The following GMNN variants were observed in gnomAD, a reference collection of about 807,000 sequenced individuals.
The protein encoded by GMNN is geminin.
Under a neutral mutation model 20.9 loss-of-function variants are expected in GMNN, and 14 were observed. The ratio of observed to expected loss-of-function variants is 0.67; its 90% confidence interval spans 0.44 to 1.05. GMNN has a LOEUF of 1.05. Ranked by LOEUF, GMNN falls within the 50% of genes least tolerant of loss-of-function variation. GMNN has a pLI of 0.00. For synonymous variants in GMNN, 81 were observed against 85.8 expected, an observed-to-expected ratio of 0.94 and a Z score of 0.31; for missense variants, 227 against 243.8, an observed-to-expected ratio of 0.93 and a Z score of 0.46.
rs1035809642 is a variant in GMNN, at chr6:24,781,549, A to G, written c.202A>G (p.Ile68Val). ...LTSTTSSPGV[I>V]VPESSENKNL... ...ATCTACAACTTCCAGCCCTGGGGTT[A>G]TTGTCCCAGAATCTAGTGAAAATAA... The change falls in exon 4 of 7, where the codon ATT becomes GTT. Residue 68 changes from isoleucine to valine, a missense_variant. Physicochemically the swap from Ile to Val is conservative, Grantham distance 29. Transcript: ENST00000230056. 1 of 1,575,700 alleles carries G rather than the reference A, an allele frequency of 6.3e-7. No homozygotes were observed. Among genetic ancestry groups the G allele is most frequent in the Non-Finnish European group, 8.7e-7 (1 of 1,152,270 alleles).
chr6:24,782,517 C>A (rs375195982), intron 4 of GMNN, among the ~76,000 whole-genome samples: 3 of 152,024 alleles, frequency 2.0e-5, no homozygotes, highest in East Asian at 3.8e-4. Context: ...TTTTGAATTG[C>A]CTTGAAGACA....
chr6:24,785,353 A>G (rs1487883884), intron 6 of GMNN, among the ~76,000 whole-genome samples: 1 of 152,092 alleles, frequency 6.6e-6, no homozygotes, highest in Non-Finnish European at 1.5e-5. Context: ...TAGAACACCT[A>G]CTTGTCCTTG....
Position 24,785,645 on chromosome 6 carries a change from A to C in GMNN, c.476A>C (p.Asn159Thr). 1 of 1,483,340 alleles carries C rather than the reference A, an allele frequency of 6.7e-7. No individual in the cohort carries two copies. The highest frequency in any genetic ancestry group is 9.3e-7 in the Non-Finnish European group (1 of 1,077,518). The allele number at this position is 1,483,340 out of a possible 1,614,324, so 91.9% of individuals were successfully genotyped here. The change falls in exon 7 of 7, where the codon AAT becomes ACT. Residue 159 changes from asparagine (N) to threonine (T), a missense_variant. Asn to Thr is a moderately conservative substitution (Grantham distance 65). Coordinates refer to ENST00000230056, the MANE Select transcript of GMNN (RefSeq NM_015895.5). ...QYMAELIERL[N>T]GEPLDNFESL... ...TGGTTTATTCTTTAAAAGAGACTGAATGGTGAACCTCTGGATAATTTTGAA... is the reference window on the plus strand; with the variant it reads ...TGGTTTATTCTTTAAAAGAGACTGACTGGTGAACCTCTGGATAATTTTGAA...
rs545524206 is a variant in GMNN, at chr6:24,777,272, A to T, written c.26A>T (p.Gln9Leu). MNPSMKQK[Q>L]EEIKENIKNS... ...ATGAATCCCAGTATGAAGCAGAAAC[A>T]AGAAGAAATCAAAGAGAATATAAAG... The change falls in exon 2 of 7, where the codon CAA becomes CTA. Residue 9 changes from glutamine (Q) to leucine (L), a missense_variant. By Grantham distance (113) the Gln-to-Leu change is moderately radical. Transcript: ENST00000230056. The T allele has an allele frequency of 2.8e-5, 40 of 1,406,040 alleles. No individual in the cohort carries two copies. Among genetic ancestry groups the T allele is most frequent in the Non-Finnish European group, 3.7e-5 (38 of 1,018,350 alleles). 87.1% of individuals were successfully genotyped at this position (1,406,040 alleles called of 1,614,324 possible).
intron 1 of GMNN, among the ~76,000 whole-genome samples, chr6:24,776,466 CAT>C (rs905470626): frequency 7.9e-5 from 12 of 152,310 alleles, no homozygotes; most frequent in African/African-American, 2.9e-4. Context: ...TTTGTTTGCA[CAT>C]GTGTGTGCAC....
At chr6:24,776,675 G>T (rs1288580264) in intron 1 of GMNN, among the ~76,000 whole-genome samples, 1 of 152,168 alleles carries the variant, frequency 6.6e-6, no homozygotes. Context: ...CTAGTCAACC[G>T]CATTACATAG....
At chr6:24,782,836 T>G (rs1445458042) in intron 4 of GMNN, among the ~76,000 whole-genome samples, 2 of 152,084 alleles carry the variant, frequency 1.3e-5, no homozygotes, top group African/African-American at 4.8e-5. Flanking sequence ...TTATTACATT[T>G]GTTGTTTGAA....
intron 6 of GMNN, among the ~76,000 whole-genome samples, 175 bp downstream of exon 6, chr6:24,784,729 A>G (rs1346074471): frequency 6.6e-6 from 1 of 152,122 alleles, no homozygotes; most frequent in Non-Finnish European, 1.5e-5. Context: ...TTATCCGGTC[A>G]GGGCTTCATC....
At chr6:24,777,319 ATT>A in intron 2 of GMNN, 22 bp downstream of exon 2, 2 of 947,980 alleles carry the variant, frequency 2.1e-6, no homozygotes, top group Non-Finnish European at 3.2e-6. Flanking sequence ...AATAACTTTA[ATT>A]TTTTTTTGTA....
At position 24,784,872 on chromosome 6, in the gene GMNN, A is replaced by G. The variant is rs150490545; in HGVS notation, c.468+318A>G. Among the ~76,000 whole-genome samples the G allele has an allele frequency of 1.7e-3, 259 of 152,320 alleles. 1 individual carries two copies. Among genetic ancestry groups the G allele is most frequent in the African/African-American group, 5.9e-3 (247 of 41,594 alleles). ...AAAGTTCAGTAACTTAATTATTGTT[A>G]TGAAGCAAAAGACCATATTTTTTGG... is the stretch of plus-strand genomic sequence containing the variant. On this transcript the variant is annotated intron_variant, in intron 6 of 6. Coordinates refer to ENST00000230056, the MANE Select transcript of GMNN (RefSeq NM_015895.5).
At chr6:24,776,379 G>A (rs761176854) in intron 1 of GMNN, among the ~76,000 whole-genome samples, 7 of 152,174 alleles carry the variant, frequency 4.6e-5, no homozygotes, top group Non-Finnish European at 1.0e-4. Flanking sequence ...GATCATGCAG[G>A]TGATCCGCCT....
intron 2 of GMNN, among the ~76,000 whole-genome samples, chr6:24,780,236 A>C (rs1313760985): frequency 6.6e-6 from 1 of 152,254 alleles, no homozygotes; most frequent in Non-Finnish European, 1.5e-5. Flanking sequence ...GAGAGAATAC[A>C]GATAGCCTTC....
At chr6:24,784,364 T>C (rs555130589) in intron 5 of GMNN, 80 bp from the exon 6 acceptor site, 12 of 746,446 alleles carry the variant, frequency 1.6e-5, no homozygotes, top group Non-Finnish European at 2.9e-5. Context: ...ATGTCCTCCA[T>C]GTTATATACT....
At chr6:24,781,990 A>C (rs1780233838) in intron 4 of GMNN, among the ~76,000 whole-genome samples, 1 of 152,044 alleles carries the variant, frequency 6.6e-6, no homozygotes, top group Non-Finnish European at 1.5e-5. Context: ...CTGAGTCAGG[A>C]GGATCACTTG....
rs1179527871 is a variant in GMNN at position 24,776,697 on chromosome 6, C to T, written c.-25-525C>T. Among the ~76,000 whole-genome samples, 3 of 152,200 alleles carry T rather than the reference C, an allele frequency of 2.0e-5. No individual in the cohort carries two copies. In the East Asian group the frequency reaches 5.8e-4, roughly 29 times the overall value. On this transcript the variant is annotated intron_variant, in intron 1 of 6. Coordinates refer to ENST00000230056, the MANE Select transcript of GMNN (RefSeq NM_015895.5). ...ACCGCATTACATAGATCCCTTTCTA[C>T]CTTTTCCCTCTTTCTTGCTTGTTAG...
intron 2 of GMNN, among the ~76,000 whole-genome samples, 175 bp from the exon 3 acceptor site, chr6:24,780,488 G>A (rs1780180838): frequency 1.3e-5 from 2 of 152,182 alleles, no homozygotes; most frequent in Admixed American, 1.3e-4. Flanking sequence ...CCAGTGTCTT[G>A]TTCATAGGCG....
At chr6:24,777,156 T>C (rs1380069298) in intron 1 of GMNN, 66 bp from the exon 2 acceptor site, 2 of 558,860 alleles carry the variant, frequency 3.6e-6, no homozygotes. Flanking sequence ...ATTTTTATGA[T>C]TGTAAGTATT....
chr6:24,775,499 G>A (rs547766170), intron 1 of GMNN: 1 of 152,468 alleles, frequency 6.6e-6, no homozygotes, highest in Non-Finnish European at 1.5e-5. Context: ...GGACTGCAAC[G>A]CGGGTAAGGG....
chr6:24,781,163 C>T (rs1295530644), intron 3 of GMNN, among the ~76,000 whole-genome samples: 2 of 151,998 alleles, frequency 1.3e-5, no homozygotes, highest in African/African-American at 4.8e-5. Context: ...GAGGTCACAC[C>T]ACTGCACTCC....
Sources: allele counts gnomAD v4.1 joint callset (sites outside exome capture counted in the v4.1 genomes callset), GRCh38; gene constraint gnomAD v4.1.1; transcripts MANE v1.5; gene names NCBI Gene and HGNC (gene_info 2026-07-23, HGNC 2026-07-21).